CCDC3: variants seen among roughly 807,000 people sequenced by gnomAD.
CCDC3 encodes coiled-coil domain containing 3.
A neutral mutation model predicts 21.4 loss-of-function variants in CCDC3; 24 were observed. The observed-to-expected ratio is 1.12, with a 90% confidence interval of 0.81 to 1.58. The LOEUF is 1.58. Ranked by LOEUF, CCDC3 falls within the 40% of genes most tolerant of loss-of-function variation. The pLI is 0.00. For synonymous variants in CCDC3, 186 were observed against 166.0 expected (o/e 1.12, Z -0.93); for missense variants, 425 against 360.9 (o/e 1.18, Z -1.44).
At chr10:12,948,734 T>TTG (rs1554755969) in intron 2 of CCDC3, among the ~76,000 whole-genome samples, 1 of 134,192 alleles carries the variant, frequency 7.5e-6, no homozygotes, top group Admixed American at 7.5e-5. Flanking sequence ...GGCAGTTTTT[T>TTG]TTTTTTTTTT....
chr10:12,976,548 T>G (rs1835420576), intron 2 of CCDC3, among the ~76,000 whole-genome samples: 1 of 152,184 alleles, frequency 6.6e-6, no homozygotes, highest in Non-Finnish European at 1.5e-5. Flanking sequence ...AGGGAAGGTA[T>G]CTTAGAGAAT....
intron 3 of CCDC3, among the ~76,000 whole-genome samples, chr10:13,074,688 G>A (rs1274289154): frequency 1.3e-5 from 2 of 151,232 alleles, no homozygotes; most frequent in Non-Finnish European, 2.9e-5. Context: ...TTTCTCATAA[G>A]CACAAATACG....
chr10:13,029,500 G>GA (rs1836270025), intron 5 of CCDC3, among the ~76,000 whole-genome samples: 1 of 152,144 alleles, frequency 6.6e-6, no homozygotes, highest in Non-Finnish European at 1.5e-5. Flanking sequence ...TTGACAAGTT[G>GA]AGAGAAGAAG....
At chr10:13,083,771 G>T (rs1173616558) in intron 3 of CCDC3, among the ~76,000 whole-genome samples, 10 of 152,350 alleles carry the variant, frequency 6.6e-5, no homozygotes, top group South Asian at 6.2e-4. Flanking sequence ...GTTCAGTTTA[G>T]ATTGTGAGGT....
chr10:13,010,654 T>C (rs1432718817), intron 5 of CCDC3, among the ~76,000 whole-genome samples: 1 of 152,216 alleles, frequency 6.6e-6, no homozygotes, highest in Non-Finnish European at 1.5e-5. Context: ...AAGACTCGTA[T>C]ATGAATGGCG....
intron 3 of CCDC3, among the ~76,000 whole-genome samples, chr10:13,082,911 C>A (rs1309762853): frequency 6.6e-6 from 1 of 152,186 alleles, no homozygotes; most frequent in African/African-American, 2.4e-5. Flanking sequence ...ATAATCATAT[C>A]TATATCCTAT....
chr10:12,902,520 C>T (rs1046146899), intron 2 of CCDC3, among the ~76,000 whole-genome samples: 5 of 152,032 alleles, frequency 3.3e-5, no homozygotes, highest in African/African-American at 7.2e-5. Flanking sequence ...AAGAACAAGA[C>T]AAAAAAGTCC....
intron 3 of CCDC3, among the ~76,000 whole-genome samples, chr10:13,081,533 G>C (rs1201189995): frequency 6.6e-6 from 1 of 152,046 alleles, no homozygotes; most frequent in Non-Finnish European, 1.5e-5. Flanking sequence ...ATTGTTCCAG[G>C]GTCAAGCCCT....
intron 2 of CCDC3, among the ~76,000 whole-genome samples, chr10:12,975,710 C>T (rs1348415324): frequency 6.6e-6 from 1 of 152,196 alleles, no homozygotes; most frequent in Non-Finnish European, 1.5e-5. Flanking sequence ...AGCCCTGGCA[C>T]TTGAAAGAGT....
chr10:12,926,795 G>C (rs909747323), intron 2 of CCDC3, among the ~76,000 whole-genome samples: 3 of 152,076 alleles, frequency 2.0e-5, no homozygotes, highest in African/African-American at 7.2e-5. Context: ...ATTGATATCA[G>C]GCAAAGTAGA....
chr10:12,906,515 G>A (rs1006356589), intron 2 of CCDC3, among the ~76,000 whole-genome samples: 15 of 152,202 alleles, frequency 9.9e-5, no homozygotes, highest in African/African-American at 2.2e-4. Context: ...GGAGGTAGCC[G>A]GGCAGTGTGG....
chr10:13,014,771 A>C (rs567374470), intron 5 of CCDC3, among the ~76,000 whole-genome samples: 2 of 152,278 alleles, frequency 1.3e-5, no homozygotes, highest in African/African-American at 2.4e-5. Context: ...AAGAAAATTT[A>C]CTAAATAAGT....
In CCDC3 at chr10:13,001,563, C is replaced by T. The variant is rs1835855890; in HGVS notation, c.8G>A (p.Arg3His). 6.4e-6 allele frequency: 8 copies of T among 1,244,196 alleles called. 1 individual carries two copies. In the South Asian group the frequency reaches 1.7e-4, roughly 26 times the overall value. The allele number at this position is 1,244,196 out of a possible 1,614,324, so 77.1% of individuals were successfully genotyped here. ...GCAGAGCGCGGCGAGCAGCAGCTGG[C>T]GCAGCATGCCGGGCCCTCCCGGGGC... ML[R>H]QLLLAALCLA... is the part of the protein sequence containing the mutation. Residue 3 changes from arginine (R) to histidine (H), a missense_variant, in exon 1 of 3, where the codon CGC (arginine) becomes CAC (histidine). Arg to His is a conservative substitution (Grantham distance 29). Transcript: ENST00000378825.
chr10:12,929,371 A>AGGTGCC (rs1470941920), intron 2 of CCDC3, among the ~76,000 whole-genome samples: 1 of 152,030 alleles, frequency 6.6e-6, no homozygotes, highest in Non-Finnish European at 1.5e-5. Context: ...CACCAAAACA[A>AGGTGCC]GGTGCCAGGG....
At chr10:13,042,906 CA>C (rs55911312) in intron 5 of CCDC3, among the ~76,000 whole-genome samples, 12,844 of 100,262 alleles carry the variant, frequency 0.13, 618 homozygotes, top group African/African-American at 0.24. Flanking sequence ...GAGACTGTCT[CA>C]AAAAAAAAAA....
intron 5 of CCDC3, among the ~76,000 whole-genome samples, chr10:13,020,464 G>A (rs372706655): frequency 5.0e-4 from 76 of 152,244 alleles, no homozygotes; most frequent in African/African-American, 1.7e-3. Context: ...GTTAAACATC[G>A]TTATAAGGGA....
Position 12,969,789 on chromosome 10 carries a change from T to C in CCDC3, c.549+28549A>G, listed in dbSNP as rs535066391. On this transcript the variant is annotated intron_variant, in intron 2 of 2. Transcript: ENST00000378825. Reference sequence around the variant, plus strand: ...TCATTCTTAAAAAAAAAAGAGGAAATCCTGTCATTTGTGACAACATGGATG... The same window carrying C: ...TCATTCTTAAAAAAAAAAGAGGAAACCCTGTCATTTGTGACAACATGGATG... Among the ~76,000 whole-genome samples, 5 of 150,478 alleles carry C rather than the reference T, an allele frequency of 3.3e-5. No homozygotes were observed. In the East Asian group the frequency reaches 9.7e-4, roughly 29 times the overall value.
At chr10:13,079,629 T>C (rs913249881) in intron 3 of CCDC3, among the ~76,000 whole-genome samples, 4 of 152,084 alleles carry the variant, frequency 2.6e-5, no homozygotes, top group Admixed American at 1.3e-4. Flanking sequence ...TTAGACAGAA[T>C]GTCTTAGAGG....
chr10:13,088,685 A>C (rs899535161), intron 3 of CCDC3, among the ~76,000 whole-genome samples: 5 of 152,238 alleles, frequency 3.3e-5, no homozygotes, highest in Admixed American at 6.5e-5. Context: ...GTTAAGCAGC[A>C]TTAAGGAGAC....
Sources: allele counts gnomAD v4.1 joint callset (sites outside exome capture counted in the v4.1 genomes callset), GRCh38; gene constraint gnomAD v4.1.1; transcripts MANE v1.5; gene names NCBI Gene and HGNC (gene_info 2026-07-23, HGNC 2026-07-21).